The following GRAMD4 variants were observed in gnomAD, a reference collection of about 807,000 sequenced individuals.
The protein encoded by GRAMD4 is GRAM domain-containing protein 4.
In GRAMD4, 25 loss-of-function variants were observed where a neutral mutation model predicts 83.9. That is an observed-to-expected ratio of 0.30 (90% CI 0.22 to 0.42). GRAMD4 has a LOEUF of 0.42. Ranked by LOEUF, GRAMD4 falls within the 10% of genes least tolerant of loss-of-function variation. The pLI, the probability that GRAMD4 is intolerant of heterozygous loss-of-function variation, is 1.00. For missense variants in GRAMD4, 593 were observed against 788.7 expected (o/e 0.75, Z 2.97); for synonymous variants, 336 against 320.9 (o/e 1.05, Z -0.50).
chr22:46,646,996 GCACA>G (rs1294170673), intron 3 of GRAMD4, among the ~76,000 whole-genome samples: 1 of 152,142 alleles, frequency 6.6e-6, no homozygotes, highest in African/African-American at 2.4e-5. Flanking sequence ...AACAAGAACA[GCACA>G]GGAGAGACCT....
chr22:46,632,900 C>T lies in GRAMD4; in HGVS notation c.163-4940C>T, dbSNP rs372811327. On this transcript the variant is annotated intron_variant, in intron 2 of 18. Transcript: ENST00000406902. Reference sequence around the variant, plus strand: ...GCTGGGCGTGGCGGAGTTGAATTTTCCGCCTCTGCACTGGGCAGAGCCTTT... The same window carrying T: ...GCTGGGCGTGGCGGAGTTGAATTTTTCGCCTCTGCACTGGGCAGAGCCTTT... Among the ~76,000 whole-genome samples, 126 of 152,338 alleles carry T rather than the reference C, an allele frequency of 8.3e-4. 1 individual carries two copies. The Middle Eastern group carries it at 0.02, about 25-fold the overall frequency.
chr22:46,634,868 G>A (rs111345450), intron 2 of GRAMD4, among the ~76,000 whole-genome samples: 89 of 152,106 alleles, frequency 5.9e-4, no homozygotes, highest in Admixed American at 8.5e-4. Context: ...GCTTGAACCT[G>A]GGAGGTAGAG....
At chr22:46,614,312 G>A (rs2081447964) in intron 1 of GRAMD4, among the ~76,000 whole-genome samples, 1 of 152,220 alleles carries the variant, frequency 6.6e-6, no homozygotes, top group South Asian at 2.1e-4. Context: ...ACTTCTCCTT[G>A]TGTTGGTTGT....
intron 1 of GRAMD4, among the ~76,000 whole-genome samples, chr22:46,609,968 G>C (rs1320098434): frequency 6.6e-6 from 1 of 152,200 alleles, no homozygotes; most frequent in South Asian, 2.1e-4. Context: ...TGAGTGTGGC[G>C]CCCTCCTTGC....
At chr22:46,605,105 T>A (rs2081352699) in intron 1 of GRAMD4, among the ~76,000 whole-genome samples, 2 of 144,298 alleles carry the variant, frequency 1.4e-5, no homozygotes, top group East Asian at 4.3e-4. Context: ...GCCATAATGT[T>A]CTCTGGGTTC....
At chr22:46,586,818 A>C (rs1006172805) in intron 1 of GRAMD4, among the ~76,000 whole-genome samples, 3 of 152,152 alleles carry the variant, frequency 2.0e-5, no homozygotes, top group Admixed American at 2.0e-4. Flanking sequence ...CCTGCCCTGC[A>C]GCTGATGAGG....
At chr22:46,619,371 C>G (rs1172533591), upstream of GRAMD4, among the ~76,000 whole-genome samples, 1 of 152,108 alleles carries the variant, frequency 6.6e-6, no homozygotes, top group African/African-American at 2.4e-5. Flanking sequence ...CAAGGTCTGG[C>G]CCTCACCCAG....
At chr22:46,616,607 T>C (rs1342814120), upstream of GRAMD4, among the ~76,000 whole-genome samples, 1 of 129,646 alleles carries the variant, frequency 7.7e-6, no homozygotes, top group Non-Finnish European at 1.6e-5. Flanking sequence ...TGTGTGTAGG[T>C]TCCCCTGTGT....
chr22:46,678,189 G>A lies in GRAMD4; in HGVS notation c.*938G>A, dbSNP rs2082626826. ...GGCTGCGGTTGCCTGGGTTGGTTGGGGGAGGAAGTGGGGAGGAGTGTTCCG... is the reference window on the plus strand; with the variant it reads ...GGCTGCGGTTGCCTGGGTTGGTTGGAGGAGGAAGTGGGGAGGAGTGTTCCG... On this transcript the variant is annotated 3_prime_UTR_variant, in exon 19 of 19. Coordinates refer to ENST00000406902, the MANE Select transcript of GRAMD4 (RefSeq NM_015124.5). 4 of 985,268 alleles carry A rather than the reference G, an allele frequency of 4.1e-6. No homozygotes were observed. In the South Asian group the frequency reaches 1.9e-4, roughly 46 times the overall value. The allele number at this position is 985,268 out of a possible 1,614,324, so 61.0% of individuals were successfully genotyped here. A position where few individuals can be genotyped will look rare whatever the true frequency, so the allele number is the denominator to read the frequency against.
In GRAMD4 at chr22:46,674,649, C is replaced by A. The variant is rs760344999; in HGVS notation, c.1385-8C>A. On this transcript the variant is annotated splice_polypyrimidine_tract_variant and splice_region_variant and intron_variant, in intron 15 of 18. Coordinates refer to ENST00000406902, the MANE Select transcript of GRAMD4 (RefSeq NM_015124.5). The stretch of plus-strand genomic sequence containing the variant: ...GGAAAGTGTGACAGGCGGGCCTTCT[C>A]CCATTAGTGTGCGAGAATGGCTGGC... 1.9e-6 allele frequency: 3 copies of A among 1,595,162 alleles called. No individual in the cohort carries two copies. Among genetic ancestry groups the A allele is most frequent in the Non-Finnish European group, 2.6e-6 (3 of 1,163,422 alleles).
intron 15 of GRAMD4, among the ~76,000 whole-genome samples, chr22:46,674,271 G>A (rs1323517373): frequency 6.6e-6 from 1 of 152,190 alleles, no homozygotes; most frequent in Non-Finnish European, 1.5e-5. Flanking sequence ...GTGATGAGCG[G>A]CTGCAGAGGC....
rs765729914 is a variant in GRAMD4, at chr22:46,661,451, T to C, written c.466+9T>C. 6.3e-5 allele frequency: 98 copies of C among 1,551,016 alleles called. No homozygotes were observed. Among genetic ancestry groups the C allele is most frequent in the Non-Finnish European group, 5.7e-5 (65 of 1,131,248 alleles). ...GGCCAGCAATGGAGCAGGTACACCCTGGTGGGCGGGTGGACAGGCAGGCGG... is the reference window on the plus strand; with the variant it reads ...GGCCAGCAATGGAGCAGGTACACCCCGGTGGGCGGGTGGACAGGCAGGCGG... On this transcript the variant is annotated intron_variant, in intron 5 of 18. Coordinates refer to ENST00000406902, the MANE Select transcript of GRAMD4 (RefSeq NM_015124.5).
chr22:46,638,331 G>A (rs889281695), intron 3 of GRAMD4, among the ~76,000 whole-genome samples: 2 of 152,270 alleles, frequency 1.3e-5, no homozygotes, highest in African/African-American at 4.8e-5. Context: ...TTCCCAGTGG[G>A]TGGCTCGGAC....
intron 1 of GRAMD4, among the ~76,000 whole-genome samples, chr22:46,608,204 C>A (rs976876785): frequency 4.6e-5 from 7 of 152,164 alleles, no homozygotes; most frequent in South Asian, 2.1e-4. Context: ...CAAGCCTGTC[C>A]AGCCTGCAGC....
upstream of GRAMD4, among the ~76,000 whole-genome samples, chr22:46,615,574 C>G (rs1185560674): frequency 1.4e-5 from 2 of 141,290 alleles, no homozygotes; most frequent in African/African-American, 5.4e-5. Context: ...CGTGTAGGTT[C>G]CCCTGTGCGT....
chr22:46,629,296 C>T (rs570572994), intron 2 of GRAMD4, among the ~76,000 whole-genome samples: 7 of 152,248 alleles, frequency 4.6e-5, no homozygotes, highest in East Asian at 1.9e-4. Flanking sequence ...TCGTCCACCC[C>T]CAGGCCTGCT....
At chr22:46,654,696 G>T (rs145931123) in intron 3 of GRAMD4, among the ~76,000 whole-genome samples, 1 of 152,184 alleles carries the variant, frequency 6.6e-6, no homozygotes, top group Non-Finnish European at 1.5e-5. Flanking sequence ...CCTGCTAGAC[G>T]CACTACGTGA....
downstream of GRAMD4, among the ~76,000 whole-genome samples, chr22:46,680,700 A>G (rs1373982922): frequency 2.8e-5 from 4 of 141,596 alleles, no homozygotes; most frequent in African/African-American, 5.4e-5. Flanking sequence ...TCATCCACCC[A>G]TCCATCCATC....
At chr22:46,603,201 G>GTTTTTTTTTTTTTTT (rs569545888) in intron 1 of GRAMD4, among the ~76,000 whole-genome samples, 6 of 89,416 alleles carry the variant, frequency 6.7e-5, no homozygotes, top group African/African-American at 2.4e-4. Flanking sequence ...ATCTTCTCTT[G>GTTTTTTTTTTTTTTT]TTTTTTTTTT....
Sources: allele counts gnomAD v4.1 joint callset (sites outside exome capture counted in the v4.1 genomes callset), GRCh38; gene constraint gnomAD v4.1.1; transcripts MANE v1.5; gene names NCBI Gene and HGNC (gene_info 2026-07-23, HGNC 2026-07-21).